FNDC3A: variants seen among roughly 807,000 people sequenced by gnomAD.
FNDC3A encodes fibronectin type III domain containing 3A, also known as fibronectin type-III domain-containing protein 3A.
FNDC3A carries 32 observed loss-of-function variants against 148.9 expected under a neutral mutation model. The ratio of observed to expected loss-of-function variants is 0.21; its 90% CI spans 0.16 to 0.29. FNDC3A has a LOEUF of 0.29. Ranked by LOEUF, FNDC3A falls within the 10% of genes least tolerant of loss-of-function variation. The pLI is 1.00. For synonymous variants in FNDC3A, 472 were observed against 473.6 expected, an observed-to-expected ratio of 1.00 and a Z score of 0.04; for missense variants, 1,191 against 1,452.8, an observed-to-expected ratio of 0.82 and a Z score of 2.93.
At chr13:48,978,247 C>G (rs1055111876) in intron 1 of FNDC3A, among the ~76,000 whole-genome samples, 21 of 151,992 alleles carry the variant, frequency 1.4e-4, no homozygotes, top group African/African-American at 4.8e-4. Context: ...TTAAAAATTT[C>G]TCCCTCTTCC....
chr13:49,144,086 A>T (rs1341791388), intron 7 of FNDC3A, among the ~76,000 whole-genome samples: 1 of 151,592 alleles, frequency 6.6e-6, no homozygotes, highest in Non-Finnish European at 1.5e-5. Flanking sequence ...TGACTGACCC[A>T]CCTTCATAGT....
intron 2 of FNDC3A, among the ~76,000 whole-genome samples, chr13:49,033,267 C>T (rs1874259179): frequency 6.6e-6 from 1 of 152,142 alleles, no homozygotes; most frequent in Admixed American, 6.5e-5. Flanking sequence ...GCAGATGCTA[C>T]TGCACTTCTT....
At chr13:49,173,855 C>G (rs996375942) in intron 11 of FNDC3A, among the ~76,000 whole-genome samples, 1 of 152,190 alleles carries the variant, frequency 6.6e-6, no homozygotes, top group Non-Finnish European at 1.5e-5. Context: ...TTAGTTACCA[C>G]TCTAAATTTC....
chr13:49,112,353 A>G (rs1253523596), intron 3 of FNDC3A, among the ~76,000 whole-genome samples: 2 of 152,228 alleles, frequency 1.3e-5, no homozygotes, highest in Admixed American at 6.5e-5. Flanking sequence ...GTAAACCAGC[A>G]TTAGTTTAAA....
chr13:49,204,829 G>T (rs566888623), intron 25 of FNDC3A, among the ~76,000 whole-genome samples: 1 of 152,238 alleles, frequency 6.6e-6, no homozygotes, highest in East Asian at 1.9e-4. Flanking sequence ...TCCCACATCT[G>T]AAATACAAAA....
At chr13:49,109,259 A>G (rs1171259968) in intron 3 of FNDC3A, among the ~76,000 whole-genome samples, 1 of 152,226 alleles carries the variant, frequency 6.6e-6, no homozygotes, top group Non-Finnish European at 1.5e-5. Flanking sequence ...AGTATCATCA[A>G]CCAATATACT....
At chr13:49,013,568 A>G (rs1952412785) in intron 2 of FNDC3A, among the ~76,000 whole-genome samples, 5 of 151,866 alleles carry the variant, frequency 3.3e-5, no homozygotes, top group Non-Finnish European at 7.4e-5. Context: ...GTACACGTGT[A>G]TACATGTACA....
chr13:49,107,957 T>A (rs1408622694), intron 3 of FNDC3A, among the ~76,000 whole-genome samples: 1 of 151,770 alleles, frequency 6.6e-6, no homozygotes, highest in African/African-American at 2.4e-5. Flanking sequence ...AAGACATGGA[T>A]GAGAAAGGAA....
chr13:49,197,991 G>C lies in FNDC3A; in HGVS notation c.2500G>C (p.Val834Leu). The change falls in exon 22 of 26, where the codon GTT becomes CTT. Residue 834 changes from valine (V) to leucine (L), a missense_variant. By Grantham distance (32) the Val-to-Leu change is conservative. Transcript: ENST00000492622. ...TYYCRVQALS[V>L]VGAGPFSEVV... Reference sequence around the variant, plus strand: ...CTCTGTTAATTTGTAGGCTCTGAGTGTTGTGGGTGCAGGCCCTTTCAGTGA... The same window carrying C: ...CTCTGTTAATTTGTAGGCTCTGAGTCTTGTGGGTGCAGGCCCTTTCAGTGA... 6.2e-7 allele frequency: 1 copy of C among 1,612,674 alleles called. No homozygotes were observed. Among genetic ancestry groups the C allele is most frequent in the Non-Finnish European group, 8.5e-7 (1 of 1,179,080 alleles).
chr13:49,056,556 TC>T (rs1260418911), intron 2 of FNDC3A, among the ~76,000 whole-genome samples: 2 of 152,196 alleles, frequency 1.3e-5, no homozygotes, highest in African/African-American at 4.8e-5. Context: ...CATTCTCTGT[TC>T]TTCTCCTGCA....
At chr13:49,145,321 T>C (rs1176969192) in intron 7 of FNDC3A, among the ~76,000 whole-genome samples, 1 of 152,246 alleles carries the variant, frequency 6.6e-6, no homozygotes, top group African/African-American at 2.4e-5. Flanking sequence ...GATTCTGTTT[T>C]AATTTACATG....
chr13:49,019,883 G>C lies in FNDC3A; in HGVS notation c.99+13594G>C, dbSNP rs371325018. On this transcript the variant is annotated intron_variant, in intron 2 of 25. Coordinates refer to ENST00000492622, the MANE Select transcript of FNDC3A (RefSeq NM_001079673.2). ...TGTTTCTTATTCTTTGGTTAAATTT[G>C]TGTTTGTTTAAAATTGTTTCTTCCT... 8.5e-5 allele frequency among the ~76,000 whole-genome samples: 13 copies of C among 152,196 alleles called. 1 individual carries two copies. The South Asian group carries it at 1.4e-3, about 17-fold the overall frequency.
chr13:48,998,090 TGAG>T (rs1425279137), intron 1 of FNDC3A, among the ~76,000 whole-genome samples: 3 of 152,210 alleles, frequency 2.0e-5, no homozygotes, highest in Admixed American at 6.5e-5. Context: ...CAGATGGAAA[TGAG>T]GAGCATGATT....
In FNDC3A at chr13:49,198,429, A is replaced by G. The variant is rs769361457; in HGVS notation, c.2842A>G (p.Lys948Glu). 1.9e-6 allele frequency: 3 copies of G among 1,614,154 alleles called. No individual in the cohort carries two copies. Among genetic ancestry groups the G allele is most frequent in the Non-Finnish European group, 2.5e-6 (3 of 1,180,022 alleles). The change falls in exon 23 of 26, where the codon AAG (lysine) becomes GAG (glutamate). Residue 948 changes from lysine to glutamate, a missense_variant. This residue lies in a region of FNDC3A where 751 missense variants were observed against 944.0 expected (regional missense o/e 0.80). Coordinates refer to ENST00000492622, the MANE Select transcript of FNDC3A (RefSeq NM_001079673.2). The part of the protein sequence containing the change: ...PFSHMIKLKT[K>E]PLPPDPPRLE... ...CAGCCATATGATAAAATTAAAAACT[A>G]AGCCTCTCCCTCCTGATCCACCTCG...
chr13:49,003,836 T>G (rs1952172473), intron 1 of FNDC3A, among the ~76,000 whole-genome samples: 1 of 152,214 alleles, frequency 6.6e-6, no homozygotes, highest in Non-Finnish European at 1.5e-5. Context: ...GTTTATTTAA[T>G]GTATTTTACA....
At chr13:48,976,585 G>C (rs1486790218) in intron 1 of FNDC3A, 1 of 152,198 alleles carries the variant, frequency 6.6e-6, no homozygotes, top group Non-Finnish European at 1.5e-5. Flanking sequence ...GGAGGGCTCG[G>C]GGGCGGGGGC....
At chr13:49,147,064 A>G (rs2137971381) in intron 8 of FNDC3A, among the ~76,000 whole-genome samples, 1 of 152,298 alleles carries the variant, frequency 6.6e-6, no homozygotes, top group African/African-American at 2.4e-5. Flanking sequence ...TCATCTAGTT[A>G]CATAAGGTTA....
At chr13:49,183,029 CTAAGA>C (rs1407049689) in intron 14 of FNDC3A, among the ~76,000 whole-genome samples, 1 of 152,128 alleles carries the variant, frequency 6.6e-6, no homozygotes, top group East Asian at 1.9e-4. Flanking sequence ...ACCTTTCCCT[CTAAGA>C]AACAATTTCC....
At chr13:49,040,370 A>C (rs1280768152) in intron 2 of FNDC3A, among the ~76,000 whole-genome samples, 3 of 152,120 alleles carry the variant, frequency 2.0e-5, no homozygotes, top group Non-Finnish European at 4.4e-5. Flanking sequence ...CTAATAACTC[A>C]ACCCAGATAT....
Sources: allele counts gnomAD v4.1 joint callset (sites outside exome capture counted in the v4.1 genomes callset), GRCh38; gene constraint gnomAD v4.1.1; regional missense constraint gnomAD v4.1.1; transcripts MANE v1.5; gene names NCBI Gene and HGNC (gene_info 2026-07-23, HGNC 2026-07-21).